The following DARS1 variants were observed in gnomAD, a reference collection of about 807,000 sequenced individuals.
The protein encoded by DARS1 is aspartate--tRNA ligase, cytoplasmic.
In DARS1, 51 loss-of-function variants were observed where a neutral mutation model predicts 68.8. The observed-to-expected ratio is 0.74, with a 90% CI of 0.59 to 0.94. DARS1 has a LOEUF of 0.94. Ranked by LOEUF, DARS1 falls within the 40% of genes least tolerant of loss-of-function variation. The pLI is 0.00. For missense variants in DARS1, 607 were observed against 597.3 expected, an observed-to-expected ratio of 1.02 and a Z score of -0.17; for synonymous variants, 203 against 190.4, an observed-to-expected ratio of 1.07 and a Z score of -0.55.
chr2:135,940,202 C>T (rs1298080963), intron 5 of DARS1, among the ~76,000 whole-genome samples: 1 of 151,580 alleles, frequency 6.6e-6, no homozygotes, highest in Non-Finnish European at 1.5e-5. Flanking sequence ...AGAGACATAA[C>T]AAAAAAAAGA....
upstream of DARS1, chr2:135,985,635 C>G (rs1031086236): frequency 2.1e-6 from 3 of 1,437,774 alleles, no homozygotes; most frequent in Non-Finnish European, 2.8e-6. Context: ...ATCGCGAGAG[C>G]TGCGGCTATC....
At chr2:135,981,666 A>C (rs2104851280) in intron 2 of DARS1, among the ~76,000 whole-genome samples, 1 of 149,622 alleles carries the variant, frequency 6.7e-6, no homozygotes, top group South Asian at 2.1e-4. Flanking sequence ...GATTTTCAGA[A>C]ATTTTGGCTT....
chr2:135,924,534 T>C (rs1681174419), intron 7 of DARS1, 36 bp from the exon 8 acceptor site: 2 of 1,582,068 alleles, frequency 1.3e-6, no homozygotes, highest in Admixed American at 1.9e-5. Context: ...TAAATCAACG[T>C]ACTTAATTAC....
chr2:135,920,470 G>C lies in DARS1; in HGVS notation c.942C>G (p.Phe314Leu), dbSNP rs1315299796. 6.2e-7 allele frequency: 1 copy of C among 1,612,870 alleles called. No homozygotes were observed. The highest frequency in any genetic ancestry group is 2.2e-5 in the East Asian group (1 of 44,766). ...EEIADTMVQI[F>L]KGLQERFQTE... ...CTTTTTACCTTTCTTGAAGTCCTTT[G>C]AATATTTGTACCATGGTGTCAGCAA... The change falls in exon 10 of 16, where the codon TTC becomes TTG. Residue 314 changes from phenylalanine (F) to leucine (L), a missense_variant. Phe to Leu is a conservative substitution (Grantham distance 22, BLOSUM62 0). Transcript: ENST00000264161.
At chr2:135,949,527 G>A (rs1340083772) in intron 4 of DARS1, among the ~76,000 whole-genome samples, 1 of 152,110 alleles carries the variant, frequency 6.6e-6, no homozygotes, top group East Asian at 1.9e-4. Context: ...GGATAGATGG[G>A]TATTGCATCT....
At chr2:135,958,317 C>G (rs1199357630) in intron 4 of DARS1, among the ~76,000 whole-genome samples, 1 of 152,174 alleles carries the variant, frequency 6.6e-6, no homozygotes, top group East Asian at 1.9e-4. Flanking sequence ...TACTAGTGAT[C>G]TGCTGCCTAA....
At chr2:135,959,369 C>CAACA (rs1347680047) in intron 4 of DARS1, among the ~76,000 whole-genome samples, 1 of 84,132 alleles carries the variant, frequency 1.2e-5, no homozygotes, top group African/African-American at 4.6e-5. Context: ...CCAGCCTGGG[C>CAACA]AACAAGAGTG....
chr2:135,982,222 T>C (rs542823683), intron 2 of DARS1, among the ~76,000 whole-genome samples: 25 of 151,936 alleles, frequency 1.6e-4, no homozygotes, highest in African/African-American at 5.8e-4. Context: ...ATATATAGAA[T>C]AGAAGTAAAA....
intron 3 of DARS1, among the ~76,000 whole-genome samples, chr2:135,963,493 T>C (rs1233290990): frequency 6.6e-6 from 1 of 151,214 alleles, no homozygotes; most frequent in East Asian, 2.0e-4. Flanking sequence ...TGCCTCAGCC[T>C]CTTGTGTAGC....
At chr2:135,936,391 A>G (rs1681474076) in intron 5 of DARS1, among the ~76,000 whole-genome samples, 1 of 149,094 alleles carries the variant, frequency 6.7e-6, no homozygotes, top group African/African-American at 2.4e-5. Flanking sequence ...ATACACACAC[A>G]TACACTTTTT....
At chr2:135,981,808 A>G (rs1682638879) in intron 2 of DARS1, among the ~76,000 whole-genome samples, 1 of 152,002 alleles carries the variant, frequency 6.6e-6, no homozygotes, top group Non-Finnish European at 1.5e-5. Context: ...CTGGGATAAA[A>G]GGTGTATGCC....
At chr2:135,921,426 T>C (rs1456567930) in intron 9 of DARS1, among the ~76,000 whole-genome samples, 1 of 152,164 alleles carries the variant, frequency 6.6e-6, no homozygotes, top group African/African-American at 2.4e-5. Flanking sequence ...TCCATCTCTG[T>C]TGTCTATATA....
At chr2:135,945,318 G>A (rs1427350111) in intron 4 of DARS1, among the ~76,000 whole-genome samples, 1 of 149,374 alleles carries the variant, frequency 6.7e-6, no homozygotes, top group Non-Finnish European at 1.5e-5. Context: ...AGCAGAGACA[G>A]GGTTTCACCA....
chr2:135,935,432 T>A, intron 5 of DARS1, among the ~76,000 whole-genome samples: 1 of 149,772 alleles, frequency 6.7e-6, no homozygotes, highest in South Asian at 2.1e-4. Context: ...CCATCTCTAC[T>A]AAAAAAAAAT....
At chr2:135,916,553 C>T (rs16832172) in intron 10 of DARS1, among the ~76,000 whole-genome samples, 181 bp from the exon 11 acceptor site, 3,432 of 152,192 alleles carry the variant, frequency 0.023, 90 homozygotes, top group African/African-American at 0.066. Context: ...TTTTCAATCT[C>T]GTTTTTGTAA....
At chr2:135,917,472 ATTT>A (rs1306030751) in intron 10 of DARS1, among the ~76,000 whole-genome samples, 2 of 151,996 alleles carry the variant, frequency 1.3e-5, no homozygotes, top group East Asian at 3.9e-4. Flanking sequence ...TTTACATTCT[ATTT>A]TTATTTTTTT....
chr2:135,955,582 T>C (rs1373584182), intron 4 of DARS1, among the ~76,000 whole-genome samples: 1 of 151,692 alleles, frequency 6.6e-6, no homozygotes, highest in African/African-American at 2.4e-5. Flanking sequence ...AAACCACGTA[T>C]TTGCTAATTA....
chr2:135,927,078 G>C (rs1239825321), intron 7 of DARS1, among the ~76,000 whole-genome samples: 2 of 152,120 alleles, frequency 1.3e-5, no homozygotes, highest in Non-Finnish European at 2.9e-5. Context: ...CACATCTAAA[G>C]AGAAACAAAA....
At chr2:135,957,509 C>G (rs145214195) in intron 4 of DARS1, among the ~76,000 whole-genome samples, 1 of 152,036 alleles carries the variant, frequency 6.6e-6, no homozygotes, top group African/African-American at 2.4e-5. Flanking sequence ...TGAGCCACCA[C>G]GCTCGGCCGA....
Sources: gnomAD v4.1 joint callset for allele counts (sites outside exome capture counted in the v4.1 genomes callset) on GRCh38, gnomAD v4.1.1 for gene constraint, MANE v1.5 for transcripts, NCBI Gene and HGNC (gene_info 2026-07-23, HGNC 2026-07-21) for gene names.